Variants in PRKCH observed in about 807,000 individuals in gnomAD.
PRKCH encodes the protein protein kinase C eta type.
A neutral mutation model predicts 82.5 loss-of-function variants in PRKCH; 28 were observed. The observed-to-expected ratio is 0.34, with a 90% CI of 0.25 to 0.47. The LOEUF (loss-of-function observed/expected upper bound fraction) is 0.47, where lower values mean the gene tolerates loss of function less well. Among genes scored for constraint, PRKCH ranks in the 20% least tolerant of loss-of-function variants. PRKCH has a pLI of 1.00. For missense variants in PRKCH, 705 were observed against 881.8 expected (o/e 0.80, Z 2.54); for synonymous variants, 322 against 327.4 (o/e 0.98, Z 0.18).
intron 1 of PRKCH, among the ~76,000 whole-genome samples, chr14:61,373,268 C>T (rs2046386857): frequency 6.6e-6 from 1 of 151,638 alleles, no homozygotes; most frequent in Admixed American, 6.6e-5. Context: ...GACTGGGAGG[C>T]CTCAGGAAAC....
intron 2 of PRKCH, among the ~76,000 whole-genome samples, chr14:61,391,590 G>A (rs1317362247): frequency 7.2e-6 from 1 of 138,112 alleles, no homozygotes; most frequent in African/African-American, 3.2e-5. Context: ...TCATGACTGT[G>A]GAACTCTACG....
intron 2 of PRKCH, among the ~76,000 whole-genome samples, chr14:61,420,232 TCTC>T (rs1882765974): frequency 6.6e-6 from 1 of 152,120 alleles, no homozygotes; most frequent in African/African-American, 2.4e-5. Flanking sequence ...TGTCTGCTCT[TCTC>T]CTTTCAGAAG....
At chr14:61,228,836 T>G (rs1277110192) in intron 1 of PRKCH, among the ~76,000 whole-genome samples, 1 of 152,020 alleles carries the variant, frequency 6.6e-6, no homozygotes, top group East Asian at 1.9e-4. Flanking sequence ...GGCCCAGTAG[T>G]TCAAGACCAG....
At chr14:61,224,089 C>T (rs189577979) in intron 1 of PRKCH, among the ~76,000 whole-genome samples, 17 of 152,298 alleles carry the variant, frequency 1.1e-4, no homozygotes, top group African/African-American at 3.1e-4. Context: ...TGAGAAGTCT[C>T]GATCCCACCC....
At chr14:61,363,073 C>G (rs1335157353) in intron 1 of PRKCH, among the ~76,000 whole-genome samples, 1 of 152,206 alleles carries the variant, frequency 6.6e-6, no homozygotes, top group African/African-American at 2.4e-5. Context: ...AAGGGAACAG[C>G]ATGAGTGTCA....
At chr14:61,429,447 A>G (rs762441382) in intron 2 of PRKCH, among the ~76,000 whole-genome samples, 3 of 152,210 alleles carry the variant, frequency 2.0e-5, no homozygotes, top group African/African-American at 4.8e-5. Context: ...TGTCTTTGTG[A>G]TCAAAGAAGG....
At chr14:61,292,892 G>A (rs1277849414) in intron 1 of PRKCH, among the ~76,000 whole-genome samples, 1 of 151,854 alleles carries the variant, frequency 6.6e-6, no homozygotes. Context: ...ACAAGCCTGG[G>A]CAACATTGTG....
intron 1 of PRKCH, among the ~76,000 whole-genome samples, chr14:61,285,676 C>T (rs1566807326): frequency 6.6e-6 from 1 of 152,176 alleles, no homozygotes; most frequent in Non-Finnish European, 1.5e-5. Flanking sequence ...GGCATTCAGT[C>T]CAATTATACT....
chr14:61,364,673 C>A (rs2046274992), intron 1 of PRKCH, among the ~76,000 whole-genome samples: 1 of 151,764 alleles, frequency 6.6e-6, no homozygotes, highest in Non-Finnish European at 1.5e-5. Context: ...CCCATCTCTA[C>A]CAAAAAGTAC....
chr14:61,410,263 T>C (rs908745069), intron 2 of PRKCH, among the ~76,000 whole-genome samples: 4 of 152,256 alleles, frequency 2.6e-5, no homozygotes, highest in African/African-American at 7.2e-5. Flanking sequence ...ACTTTAAATC[T>C]AGTATTTGAT....
chr14:61,413,513 A>C (rs1386272748), intron 2 of PRKCH, among the ~76,000 whole-genome samples: 4 of 149,434 alleles, frequency 2.7e-5, no homozygotes, highest in African/African-American at 7.4e-5. Flanking sequence ...CCTCAACTAC[A>C]CTGACTTTAT....
At chr14:61,294,056 C>T (rs2045386061) in intron 1 of PRKCH, among the ~76,000 whole-genome samples, 1 of 152,228 alleles carries the variant, frequency 6.6e-6, no homozygotes, top group Non-Finnish European at 1.5e-5. Context: ...GAACGCTCTC[C>T]ACTCCCAGAG....
intron 1 of PRKCH, among the ~76,000 whole-genome samples, chr14:61,248,355 G>A (rs370251040): frequency 6.6e-5 from 10 of 152,148 alleles, no homozygotes; most frequent in African/African-American, 2.4e-4. Context: ...AAAACTATTT[G>A]CTGCAAGTCA....
In PRKCH at chr14:61,549,934, A is replaced by T; in HGVS notation, c.*103A>T. The T allele has an allele frequency of 7.7e-7, 1 of 1,295,728 alleles. No individual in the cohort carries two copies. 80.3% of individuals were successfully genotyped at this position (1,295,728 alleles called of 1,614,324 possible). ...TCCCAGCATCAGCCTTAGAACAAGA[A>T]CCTTACCTTCAAGGAGCAAGTGAAG... On this transcript the variant is annotated 3_prime_UTR_variant, in exon 14 of 14. Coordinates refer to ENST00000332981, the MANE Select transcript of PRKCH (RefSeq NM_006255.5).
At chr14:61,270,522 T>C (rs1012338430) in intron 1 of PRKCH, among the ~76,000 whole-genome samples, 1 of 152,222 alleles carries the variant, frequency 6.6e-6, no homozygotes, top group Non-Finnish European at 1.5e-5. Flanking sequence ...TGGGCAGTAG[T>C]CCACCTAATG....
chr14:61,481,774 A>G (rs1885983716), intron 9 of PRKCH, among the ~76,000 whole-genome samples: 1 of 152,200 alleles, frequency 6.6e-6, no homozygotes, highest in Non-Finnish European at 1.5e-5. Context: ...TTTGGCTATA[A>G]CTAAAATCAT....
chr14:61,454,446 G>A lies in PRKCH; in HGVS notation c.960+1093G>A, dbSNP rs73320091. On this transcript the variant is annotated intron_variant, in intron 7 of 13. Transcript: ENST00000332981. ...ATCAGCTTCCTGTCACTGTGGTCTG[G>A]TGAAAGCCTAAAACCCAGGATCCTG... 9.3e-3 allele frequency among the ~76,000 whole-genome samples: 1,420 copies of A among 152,222 alleles called. 20 individuals carry two copies. The highest frequency in any genetic ancestry group is 0.033 in the African/African-American group (1,350 of 41,532).
intron 10 of PRKCH, among the ~76,000 whole-genome samples, chr14:61,488,165 AG>A (rs1886311032): frequency 1.4e-5 from 2 of 140,816 alleles, no homozygotes; most frequent in South Asian, 4.6e-4. Context: ...AAAAAAAAAA[AG>A]AAAAAAATTC....
intron 2 of PRKCH, among the ~76,000 whole-genome samples, chr14:61,408,323 G>A (rs1882076660): frequency 6.6e-6 from 1 of 152,104 alleles, no homozygotes; most frequent in South Asian, 2.1e-4. Context: ...TGGATCAGAA[G>A]ATTAGCCTGC....
Sources: gnomAD v4.1 joint callset for allele counts (sites outside exome capture counted in the v4.1 genomes callset) on GRCh38, gnomAD v4.1.1 for gene constraint, MANE v1.5 for transcripts, NCBI Gene and HGNC (gene_info 2026-07-23, HGNC 2026-07-21) for gene names.